The following BRPF3 variants were observed in gnomAD, a reference collection of about 807,000 sequenced individuals.
BRPF3 encodes bromodomain and PHD finger-containing protein 3.
In BRPF3, 18 loss-of-function variants were observed where a neutral mutation model predicts 102.0. The ratio of observed to expected loss-of-function variants is 0.18; its 90% CI spans 0.12 to 0.26. BRPF3 has a LOEUF of 0.26. Ranked by LOEUF, BRPF3 falls within the 10% of genes least tolerant of loss-of-function variation. BRPF3 has a pLI of 1.00. For synonymous variants in BRPF3, 570 were observed against 614.2 expected (o/e 0.93, Z 1.06); for missense variants, 1,147 against 1,567.8 (o/e 0.73, Z 4.53).
intron 10 of BRPF3, among the ~76,000 whole-genome samples, chr6:36,223,689 G>A (rs1294545039): frequency 1.3e-5 from 2 of 152,004 alleles, no homozygotes; most frequent in Admixed American, 1.3e-4. Context: ...ATCTAACAAT[G>A]CATTATAATT....
At chr6:36,218,945 G>C (rs543304605) in intron 9 of BRPF3, among the ~76,000 whole-genome samples, 2 of 152,256 alleles carry the variant, frequency 1.3e-5, no homozygotes, top group African/African-American at 4.8e-5. Context: ...AAGACACCAG[G>C]GCGGGGAGGA....
At position 36,201,127 on chromosome 6, in the gene BRPF3, T is replaced by C; in HGVS notation, c.805T>C (p.Cys269Arg). 6.2e-7 allele frequency: 1 copy of C among 1,614,136 alleles called. No homozygotes were observed. Among genetic ancestry groups the C allele is most frequent in the Non-Finnish European group, 8.5e-7 (1 of 1,179,998 alleles). ...CLQSPSRPVD[C>R]ILCPNKGGAF... ...GCAGTCTCCCTCCCGGCCTGTGGATTGCATCCTTTGCCCCAATAAGGGTGG... is the reference window on the plus strand; with the variant it reads ...GCAGTCTCCCTCCCGGCCTGTGGATCGCATCCTTTGCCCCAATAAGGGTGG... The change falls in exon 2 of 13, where the codon TGC becomes CGC. Residue 269 changes from cysteine to arginine, a missense_variant. Physicochemically the swap from Cys to Arg is radical, Grantham distance 180. Coordinates refer to ENST00000357641, the MANE Select transcript of BRPF3 (RefSeq NM_015695.3). The surrounding 1 kb of genome is among the most constrained non-coding windows in gnomAD (Gnocchi z 5.1).
At chr6:36,207,581 C>G in intron 4 of BRPF3, 137 bp downstream of exon 4, 1 of 1,185,504 alleles carries the variant, frequency 8.4e-7, no homozygotes, top group Non-Finnish European at 1.2e-6. Context: ...TTGTAGGCTC[C>G]AAGATCTGCC....
Position 36,230,072 on chromosome 6 carries a change from C to A in BRPF3, c.3435-354C>A, listed in dbSNP as rs558158130. Among the ~76,000 whole-genome samples, 2 of 152,206 alleles carry A rather than the reference C, an allele frequency of 1.3e-5. No homozygotes were observed. The highest frequency in any genetic ancestry group is 2.4e-5 in the African/African-American group (1 of 41,450). On this transcript the variant is annotated intron_variant, in intron 12 of 12. Transcript: ENST00000357641. This position sits in a 1 kb window ranked among gnomAD's most constrained non-coding sequence, Gnocchi z 5.4. ...TAGCCATCGCCCCCTAATTCTCCAACGCAAGGCGAGGCTCAGAGCCCTCCA... is the reference window on the plus strand; with the variant it reads ...TAGCCATCGCCCCCTAATTCTCCAAAGCAAGGCGAGGCTCAGAGCCCTCCA...
chr6:36,203,196 A>G (rs536922272), intron 2 of BRPF3, among the ~76,000 whole-genome samples: 1 of 152,324 alleles, frequency 6.6e-6, no homozygotes, highest in Admixed American at 6.5e-5. Flanking sequence ...GAACCAGACA[A>G]ACCTACATTT....
At chr6:36,212,572 GAAAAAAAAAAA>G (rs1013260246) in intron 7 of BRPF3, among the ~76,000 whole-genome samples, 2 of 44,958 alleles carry the variant, frequency 4.4e-5, no homozygotes, top group Non-Finnish European at 1.0e-4. Context: ...GCATCACCTA[GAAAAAAAAAAA>G]AAAAAAAAAA....
In BRPF3 at chr6:36,204,769, C is replaced by T. The variant is rs759852544; in HGVS notation, c.1560C>T (p.Ile520=). The part of the protein sequence containing the change: ...KRQARNGVPL[I]RRLHSHLQSQ... ...AGGCACGGAATGGTGTCCCTCTTAT[C>T]CGGCGCTTGCACTCCCATCTGCAGT... The change falls in exon 3 of 13, where the codon ATC becomes ATT. Residue 520 remains isoleucine, a synonymous_variant. Coordinates refer to ENST00000357641, the MANE Select transcript of BRPF3 (RefSeq NM_015695.3). The T allele has an allele frequency of 6.2e-7, 1 of 1,614,218 alleles. No homozygotes were observed. The highest frequency in any genetic ancestry group is 8.5e-7 in the Non-Finnish European group (1 of 1,180,044).
chr6:36,223,060 G>A (rs985697283), intron 10 of BRPF3, among the ~76,000 whole-genome samples: 1 of 152,272 alleles, frequency 6.6e-6, no homozygotes, highest in South Asian at 2.1e-4. Context: ...GGGCAGGGCA[G>A]GACCTGGGGG....
chr6:36,210,096 G>A lies in BRPF3; in HGVS notation c.1867-120G>A. ...AGGCCAGGGTGGGCCAGGACTGTAG[G>A]TCTTTGAGTTAGCCTGGCATGGCCA... On this transcript the variant is annotated intron_variant, in intron 5 of 12. Transcript: ENST00000357641. This position sits in a 1 kb window ranked among gnomAD's most constrained non-coding sequence, Gnocchi z 4.7. The A allele has an allele frequency of 7.0e-7, 1 of 1,430,878 alleles. No homozygotes were observed. The highest frequency in any genetic ancestry group is 1.9e-5 in the Admixed American group (1 of 52,872). The allele number at this position is 1,430,878 out of a possible 1,614,324, so 88.6% of individuals were successfully genotyped here. A position where few individuals can be genotyped will look rare whatever the true frequency, so the allele number is the denominator to read the frequency against.
At chr6:36,219,201 G>A (rs186761468) in intron 9 of BRPF3, among the ~76,000 whole-genome samples, 12 of 152,296 alleles carry the variant, frequency 7.9e-5, no homozygotes, top group Admixed American at 4.6e-4. Context: ...GGGGTCCCCA[G>A]CTACTCGTTG....
intron 4 of BRPF3, 117 bp downstream of exon 4, chr6:36,207,561 C>T: frequency 7.4e-7 from 1 of 1,359,880 alleles, no homozygotes; most frequent in Non-Finnish European, 9.9e-7. Flanking sequence ...TCTCCCCTCC[C>T]TACCCAGGAT....
Position 36,211,383 on chromosome 6 carries a change from C to T in BRPF3, c.2305C>T (p.Arg769Cys), listed in dbSNP as rs748134043. 13 of 1,614,148 alleles carry T rather than the reference C, an allele frequency of 8.1e-6. No individual in the cohort carries two copies. Among genetic ancestry groups the T allele is most frequent in the South Asian group, 1.1e-5 (1 of 91,084 alleles). ...CAGTGGGGCCCGCACCCGTCGTGTC[C>T]GCCTGCTACGCCGGGAGATCAATGC... ...RSSGARTRRV[R>C]LLRREINALR... Residue 769 changes from arginine to cysteine, a missense_variant, in exon 7 of 13, where the codon CGC becomes TGC. Physicochemically the swap from Arg to Cys is radical, Grantham distance 180. Around this residue, in one of 11 missense-constraint regions of BRPF3, gnomAD observed 379 missense variants for 426.3 expected, o/e 0.89. Transcript: ENST00000357641.
chr6:36,209,893 C>G lies in BRPF3; in HGVS notation c.1844C>G (p.Ala615Gly). 6.2e-7 allele frequency: 1 copy of G among 1,614,116 alleles called. No individual in the cohort carries two copies. The highest frequency in any genetic ancestry group is 8.5e-7 in the Non-Finnish European group (1 of 1,179,982). Residue 615 changes from alanine to glycine, a missense_variant, in exon 5 of 13, where the codon GCA becomes GGA. Around this residue, in one of 11 missense-constraint regions of BRPF3, gnomAD observed 44 missense variants for 38.6 expected, o/e 1.14. Transcript: ENST00000357641. ...GAGAAGGATCCTGCACACATCTTCG[C>G]AGAACCAGTCAACTTGAGTGAGGCA... ...LQEKDPAHIF[A>G]EPVNLSEVPD... is the part of the protein sequence containing the mutation.
At position 36,200,671 on chromosome 6, in the gene BRPF3, C is replaced by T; in HGVS notation, c.349C>T (p.Pro117Ser). Residue 117 changes from proline (P) to serine (S), a missense_variant, in exon 2 of 13, where the codon CCC (proline) becomes TCC (serine). Pro to Ser is a moderately conservative substitution (Grantham distance 74, BLOSUM62 -1). Coordinates refer to ENST00000357641, the MANE Select transcript of BRPF3 (RefSeq NM_015695.3). This position sits in a 1 kb window ranked among gnomAD's most constrained non-coding sequence, Gnocchi z 5.3. ...ASGTSFHLPQ[P>S]SFRMVDSGIQ... ...TGGTACTTCCTTCCACCTCCCACAG[C>T]CCAGCTTCCGTATGGTGGACTCAGG... 1 of 1,614,196 alleles carries T rather than the reference C, an allele frequency of 6.2e-7. No homozygotes were observed. The highest frequency in any genetic ancestry group is 8.5e-7 in the Non-Finnish European group (1 of 1,180,036).
chr6:36,225,296 C>G lies in BRPF3; in HGVS notation c.3211C>G (p.Arg1071Gly). ...AAGCCTCCTGCTGCCCTTTGAAGAC[C>G]GCGGAGACCTGGAGCCCTTGGAGCT... The part of the protein sequence containing the change: ...GRSLLLPFED[R>G]GDLEPLELVW... The change falls in exon 11 of 13, where the codon CGC (arginine) becomes GGC (glycine). Residue 1071 changes from arginine to glycine, a missense_variant. Coordinates refer to ENST00000357641, the MANE Select transcript of BRPF3 (RefSeq NM_015695.3). 6.2e-7 allele frequency: 1 copy of G among 1,609,868 alleles called. No individual in the cohort carries two copies. The highest frequency in any genetic ancestry group is 8.5e-7 in the Non-Finnish European group (1 of 1,179,998).
At chr6:36,225,586 G>A (rs879449061) in intron 11 of BRPF3, among the ~76,000 whole-genome samples, 13 of 152,158 alleles carry the variant, frequency 8.5e-5, no homozygotes, top group Non-Finnish European at 1.6e-4. Flanking sequence ...GGTTCTTAGA[G>A]TTTTAATAGC....
chr6:36,230,805 C>T lies in BRPF3; in HGVS notation c.*196C>T. The T allele has an allele frequency of 1.6e-6, 1 of 618,256 alleles. No homozygotes were observed. Among genetic ancestry groups the T allele is most frequent in the Non-Finnish European group, 2.7e-6 (1 of 366,184 alleles). The allele number at this position is 618,256 out of a possible 1,614,324, so 38.3% of individuals were successfully genotyped here. A position where few individuals can be genotyped will look rare whatever the true frequency, so the allele number is the denominator to read the frequency against. ...GTTCTCCTGGCAGGCCTGCTGTGTG[C>T]CAAAAACTCCCACCCAAGGTCCCTC... is the stretch of plus-strand genomic sequence containing the variant. On this transcript the variant is annotated 3_prime_UTR_variant, in exon 13 of 13. Transcript: ENST00000357641. This position sits in a 1 kb window ranked among gnomAD's most constrained non-coding sequence, Gnocchi z 5.4.
At chr6:36,226,100 C>A (rs1344668848) in intron 11 of BRPF3, among the ~76,000 whole-genome samples, 3 of 152,178 alleles carry the variant, frequency 2.0e-5, no homozygotes, top group Non-Finnish European at 4.4e-5. Flanking sequence ...TGGTCACTTA[C>A]ATTGTTTTGA....
Position 36,201,449 on chromosome 6 carries a change from C to T in BRPF3, c.1127C>T (p.Thr376Ile), listed in dbSNP as rs1767694512. The change falls in exon 2 of 13, where the codon ACA becomes ATA. Residue 376 changes from threonine to isoleucine, a missense_variant. Thr to Ile is a moderately conservative substitution (Grantham distance 89, BLOSUM62 -1). Around this residue, in one of 11 missense-constraint regions of BRPF3, gnomAD observed 157 missense variants for 163.6 expected, o/e 0.96. Transcript: ENST00000357641. This position sits in a 1 kb window ranked among gnomAD's most constrained non-coding sequence, Gnocchi z 5.1. ...RETSLNGTIF[T>I]VRKTAYCEAH... Reference sequence around the variant, plus strand: ...ACCAGCCTCAATGGCACCATCTTTACAGTGCGCAAGACTGCCTACTGTGAG... The same window carrying T: ...ACCAGCCTCAATGGCACCATCTTTATAGTGCGCAAGACTGCCTACTGTGAG... 6.2e-7 allele frequency: 1 copy of T among 1,614,168 alleles called. No homozygotes were observed. The highest frequency in any genetic ancestry group is 1.7e-5 in the Admixed American group (1 of 60,026).
Sources: gnomAD v4.1 joint callset for allele counts (sites outside exome capture counted in the v4.1 genomes callset) on GRCh38, gnomAD v4.1.1 for gene constraint, gnomAD v4.1.1 regional missense constraint, Gnocchi (gnomAD v3.1) non-coding constraint, MANE v1.5 for transcripts, NCBI Gene and HGNC (gene_info 2026-07-23, HGNC 2026-07-21) for gene names.